PHACTR1: variants seen among roughly 807,000 people sequenced by gnomAD.
PHACTR1 encodes RPEL repeat containing 1.
PHACTR1 carries 16 observed loss-of-function variants against 69.2 expected under a neutral mutation model. That is an observed-to-expected ratio of 0.23 (90% CI 0.16 to 0.35). The LOEUF is 0.35. Ranked by LOEUF, PHACTR1 falls within the 10% of genes least tolerant of loss-of-function variation. The pLI is 1.00. For missense variants in PHACTR1, 510 were observed against 734.7 expected, an observed-to-expected ratio of 0.69 and a Z score of 3.54; for synonymous variants, 312 against 284.5, an observed-to-expected ratio of 1.10 and a Z score of -0.97.
In PHACTR1 at chr6:12,791,756, A is replaced by T. The variant is rs142121336; in HGVS notation, c.250+41966A>T. Among the ~76,000 whole-genome samples the T allele has an allele frequency of 6.6e-4, 101 of 152,296 alleles. 1 individual carries two copies. The highest frequency in any genetic ancestry group is 1.2e-3 in the Non-Finnish European group (79 of 68,028). On this transcript the variant is annotated intron_variant, in intron 4 of 14. Transcript: ENST00000332995. ...TTCCACCACAAAATAAACAGCCGTT[A>T]AGTGTTTGTTCTTTCAGTGAATGCT...
intron 4 of PHACTR1, among the ~76,000 whole-genome samples, chr6:13,041,339 T>TACACAC (rs368368056): frequency 0.2 from 26,689 of 135,170 alleles, 2,912 homozygotes; most frequent in South Asian, 0.25. Context: ...TTAAAATACA[T>TACACAC]ACACACACAC....
chr6:12,963,043 T>G (rs1792952137), intron 4 of PHACTR1, among the ~76,000 whole-genome samples: 1 of 152,188 alleles, frequency 6.6e-6, no homozygotes, highest in Non-Finnish European at 1.5e-5. Flanking sequence ...AATTGGTCAG[T>G]AGAGAGGAAG....
intron 4 of PHACTR1, among the ~76,000 whole-genome samples, chr6:12,798,951 C>G (rs1773401309): frequency 6.6e-6 from 1 of 152,182 alleles, no homozygotes; most frequent in African/African-American, 2.4e-5. Context: ...CAGTTGCACC[C>G]AAAAGTATAT....
intron 4 of PHACTR1, among the ~76,000 whole-genome samples, chr6:12,757,313 G>A (rs994023056): frequency 2.0e-5 from 3 of 152,136 alleles, no homozygotes; most frequent in Non-Finnish European, 2.9e-5. Flanking sequence ...CGGTGTGGCT[G>A]GGGAGGAGTA....
At chr6:12,890,236 G>A (rs748613229) in intron 4 of PHACTR1, among the ~76,000 whole-genome samples, 18 of 152,058 alleles carry the variant, frequency 1.2e-4, no homozygotes, top group Admixed American at 2.0e-4. Context: ...GTTTCATGCC[G>A]AAAACATCCT....
chr6:12,942,317 A>T (rs1337656085), intron 4 of PHACTR1, among the ~76,000 whole-genome samples: 1 of 152,214 alleles, frequency 6.6e-6, no homozygotes, highest in Non-Finnish European at 1.5e-5. Flanking sequence ...CACCACAGGG[A>T]TATCAAGTAG....
intron 4 of PHACTR1, among the ~76,000 whole-genome samples, chr6:12,973,700 A>T (rs1794503770): frequency 6.6e-6 from 1 of 152,094 alleles, no homozygotes; most frequent in South Asian, 2.1e-4. Flanking sequence ...GTAAATTGTC[A>T]ATGTCAAGGC....
At chr6:13,186,291 G>A (rs895977944) in intron 7 of PHACTR1, among the ~76,000 whole-genome samples, 46 of 152,198 alleles carry the variant, frequency 3.0e-4, no homozygotes, top group African/African-American at 9.9e-4. Context: ...GTTGCTGTAC[G>A]TATTGTTTTG....
chr6:13,010,067 G>A (rs9473207), intron 4 of PHACTR1, among the ~76,000 whole-genome samples: 76,201 of 151,940 alleles, frequency 0.5, 21,708 homozygotes, highest in African/African-American at 0.78. Context: ...ACTTCCACAC[G>A]TTTTCAGCTG....
chr6:12,785,516 A>G (rs983353418), intron 4 of PHACTR1, among the ~76,000 whole-genome samples: 1 of 152,220 alleles, frequency 6.6e-6, no homozygotes, highest in Non-Finnish European at 1.5e-5. Flanking sequence ...CAAACCTGCC[A>G]GGCCAGTTGC....
At chr6:13,255,580 A>G (rs918021267) in intron 10 of PHACTR1, among the ~76,000 whole-genome samples, 1 of 152,256 alleles carries the variant, frequency 6.6e-6, no homozygotes, top group African/African-American at 2.4e-5. Context: ...TCCAAGATAC[A>G]TGGGGGTATA....
At chr6:13,199,212 C>T (rs1764847308) in intron 7 of PHACTR1, among the ~76,000 whole-genome samples, 1 of 151,824 alleles carries the variant, frequency 6.6e-6, no homozygotes, top group South Asian at 2.1e-4. Flanking sequence ...ATGGTGAAAC[C>T]CCATCTCTAC....
intron 5 of PHACTR1, among the ~76,000 whole-genome samples, chr6:13,107,407 T>C (rs920846158): frequency 6.6e-6 from 1 of 152,172 alleles, no homozygotes; most frequent in African/African-American, 2.4e-5. Flanking sequence ...CCACCATGCT[T>C]GGTCTCTTTC....
At chr6:13,040,759 A>G (rs941682743) in intron 4 of PHACTR1, among the ~76,000 whole-genome samples, 2 of 152,204 alleles carry the variant, frequency 1.3e-5, no homozygotes, top group African/African-American at 4.8e-5. Context: ...CACCCACAAA[A>G]TGCCACTTAT....
At chr6:13,280,105 A>C (rs1345228273) in intron 12 of PHACTR1, 1 of 152,062 alleles carries the variant, frequency 6.6e-6, no homozygotes, top group Non-Finnish European at 1.5e-5. Flanking sequence ...TTTTGCGGAG[A>C]ACTTGACTAA....
At chr6:12,944,790 T>TATTTATTTA (rs760655740) in intron 4 of PHACTR1, among the ~76,000 whole-genome samples, 15 of 144,092 alleles carry the variant, frequency 1.0e-4, no homozygotes, top group African/African-American at 3.7e-4. Flanking sequence ...TTTATTTATT[T>TATTTATTTA]TTTTTTTTTT....
intron 5 of PHACTR1, among the ~76,000 whole-genome samples, chr6:13,134,047 A>G (rs564129233): frequency 4.1e-5 from 6 of 147,874 alleles, no homozygotes; most frequent in Non-Finnish European, 8.9e-5. Flanking sequence ...GTAGGTGAGG[A>G]GTGTCTCTGC....
At chr6:13,195,756 T>C (rs975963973) in intron 7 of PHACTR1, among the ~76,000 whole-genome samples, 3 of 8,176 alleles carry the variant, frequency 3.7e-4, no homozygotes, top group Admixed American at 1.4e-3. Flanking sequence ...AGACACCGTC[T>C]CAAAAAAAAA....
At chr6:13,212,844 CA>C (rs1327681520) in intron 8 of PHACTR1, among the ~76,000 whole-genome samples, 1 of 152,194 alleles carries the variant, frequency 6.6e-6, no homozygotes, top group East Asian at 1.9e-4. Flanking sequence ...GGTCTCTACT[CA>C]AATGTCACAT....
Sources: gnomAD v4.1 joint callset for allele counts (sites outside exome capture counted in the v4.1 genomes callset) on GRCh38, gnomAD v4.1.1 for gene constraint, MANE v1.5 for transcripts, NCBI Gene and HGNC (gene_info 2026-07-23, HGNC 2026-07-21) for gene names.